The following IKZF2 variants were observed in gnomAD, a reference collection of about 807,000 sequenced individuals.
IKZF2 encodes IKAROS family zinc finger 2.
In IKZF2, 15 loss-of-function variants were observed where a neutral mutation model predicts 49.2. The ratio of observed to expected loss-of-function variants is 0.30; its 90% confidence interval spans 0.20 to 0.47. The LOEUF (loss-of-function observed/expected upper bound fraction) is 0.47. IKZF2 is among the 20% of genes least tolerant of loss of function. IKZF2 has a pLI of 1.00. For synonymous variants in IKZF2, 227 were observed against 221.4 expected (o/e 1.03, Z -0.23); for missense variants, 567 against 664.6 (o/e 0.85, Z 1.61).
intron 4 of IKZF2, among the ~76,000 whole-genome samples, chr2:213,141,571 T>C (rs1220315411): frequency 1.3e-5 from 2 of 151,996 alleles, no homozygotes; most frequent in Middle Eastern, 3.2e-3. Context: ...ATTGTGGATA[T>C]ATTATTTATT....
intron 5 of IKZF2, among the ~76,000 whole-genome samples, chr2:213,050,988 C>A (rs1700626824): frequency 6.6e-6 from 1 of 152,002 alleles, no homozygotes; most frequent in African/African-American, 2.4e-5. Flanking sequence ...TTTGGTTGAA[C>A]TGGACCATTT....
At chr2:213,065,483 C>T (rs1317808746) in intron 4 of IKZF2, among the ~76,000 whole-genome samples, 1 of 152,032 alleles carries the variant, frequency 6.6e-6, no homozygotes, top group African/African-American at 2.4e-5. Flanking sequence ...ACGAAGACCT[C>T]ACATAAATCA....
At chr2:213,019,797 G>C (rs1697007808) in intron 7 of IKZF2, among the ~76,000 whole-genome samples, 1 of 152,158 alleles carries the variant, frequency 6.6e-6, no homozygotes, top group African/African-American at 2.4e-5. Flanking sequence ...TGCCTACGGA[G>C]GGCTAAGCAA....
intron 6 of IKZF2, among the ~76,000 whole-genome samples, chr2:213,041,356 T>A (rs1699630201): frequency 6.6e-6 from 1 of 150,548 alleles, no homozygotes; most frequent in African/African-American, 2.4e-5. Flanking sequence ...GGTGGGAGGA[T>A]GGAGTTTCGC....
At chr2:213,145,439 G>C (rs2061021153) in intron 4 of IKZF2, among the ~76,000 whole-genome samples, 1 of 152,028 alleles carries the variant, frequency 6.6e-6, no homozygotes, top group African/African-American at 2.4e-5. Flanking sequence ...AACAATGCAT[G>C]TAAAGGGATT....
chr2:213,080,021 G>T (rs1703755384), intron 4 of IKZF2, among the ~76,000 whole-genome samples: 1 of 152,080 alleles, frequency 6.6e-6, no homozygotes. Context: ...CAAGAAATTT[G>T]ACTAACACTT....
In IKZF2 at chr2:213,005,197, G is replaced by GGGGT. The variant is rs1553539383; in HGVS notation, c.*2159_*2162dup. On this transcript the variant is annotated 3_prime_UTR_variant, in exon 9 of 9. Coordinates refer to ENST00000434687, the MANE Select transcript of IKZF2 (RefSeq NM_001387220.1). ...TTATTTGGGAGTGGTTGGGTGGGGG[G>GGGGT]GGGTGAGCGAGTCTCAAAAACATGC... 8 of 127,606 alleles carry GGGGT rather than the reference G, an allele frequency of 6.3e-5. 1 individual carries two copies. In the East Asian group the frequency reaches 2.3e-3, roughly 36 times the overall value. The allele number at this position is 127,606 out of a possible 1,614,324, so 7.9% of individuals were successfully genotyped here.
chr2:213,025,675 T>C (rs1397644757), intron 6 of IKZF2, among the ~76,000 whole-genome samples: 1 of 152,130 alleles, frequency 6.6e-6, no homozygotes, highest in Non-Finnish European at 1.5e-5. Context: ...CTTTTGAGTC[T>C]TGCCTCATGG....
At chr2:213,095,220 T>C (rs1705833908) in intron 4 of IKZF2, among the ~76,000 whole-genome samples, 1 of 152,136 alleles carries the variant, frequency 6.6e-6, no homozygotes, top group Admixed American at 6.5e-5. Flanking sequence ...TATAGATAGC[T>C]TTCTTTTAGG....
chr2:213,140,601 T>C (rs901591549), intron 4 of IKZF2, among the ~76,000 whole-genome samples: 7 of 151,970 alleles, frequency 4.6e-5, no homozygotes, highest in African/African-American at 1.7e-4. Flanking sequence ...ATTAATCTTA[T>C]GATTTTTTTT....
chr2:213,039,843 T>A (rs1291744274), intron 6 of IKZF2, among the ~76,000 whole-genome samples: 2 of 152,066 alleles, frequency 1.3e-5, no homozygotes, highest in Non-Finnish European at 2.9e-5. Context: ...AAAATGAGGA[T>A]GAACAAAAAT....
chr2:213,045,573 G>C (rs1182990132), intron 6 of IKZF2, among the ~76,000 whole-genome samples: 1 of 152,186 alleles, frequency 6.6e-6, no homozygotes, highest in Non-Finnish European at 1.5e-5. Context: ...ACATTACACT[G>C]AGTGAACTTG....
At chr2:213,150,305 T>G in intron 1 of IKZF2, 58 bp from the exon 2 acceptor site, 1 of 623,936 alleles carries the variant, frequency 1.6e-6, no homozygotes, top group African/African-American at 1.9e-5. Context: ...CTTCTCTCTT[T>G]CCCTCCCTTG....
chr2:213,052,441 G>T (rs920865413), intron 5 of IKZF2, among the ~76,000 whole-genome samples: 2 of 152,024 alleles, frequency 1.3e-5, no homozygotes, highest in Non-Finnish European at 2.9e-5. Context: ...TTTGAATTAT[G>T]AATAAGTCTT....
In IKZF2 at chr2:213,005,191, T is replaced by TGAGG. The variant is rs1553539346; in HGVS notation, c.*2168_*2169insCCTC. On this transcript the variant is annotated 3_prime_UTR_variant, in exon 9 of 9. Coordinates refer to ENST00000434687, the MANE Select transcript of IKZF2 (RefSeq NM_001387220.1). The stretch of plus-strand genomic sequence containing the variant: ...CAATTATTATTTGGGAGTGGTTGGG[T>TGAGG]GGGGGGGGGTGAGCGAGTCTCAAAA... The TGAGG allele has an allele frequency of 1.3e-5, 1 of 76,786 alleles. No homozygotes were observed. The highest frequency in any genetic ancestry group is 2.8e-5 in the Non-Finnish European group (1 of 35,870). The allele number at this position is 76,786 out of a possible 1,614,324, so 4.8% of individuals were successfully genotyped here.
chr2:213,106,061 T>G (rs2125733563), intron 4 of IKZF2, among the ~76,000 whole-genome samples: 1 of 152,324 alleles, frequency 6.6e-6, no homozygotes, highest in Admixed American at 6.5e-5. Flanking sequence ...ATTAAGTGAT[T>G]CCATTTTTCA....
intron 4 of IKZF2, among the ~76,000 whole-genome samples, chr2:213,120,352 A>G (rs534045819): frequency 6.6e-6 from 1 of 152,364 alleles, no homozygotes; most frequent in East Asian, 1.9e-4. Flanking sequence ...TTTGAAAAGG[A>G]TTGAGAGTTT....
At position 213,000,902 on chromosome 2, in the gene IKZF2, T is replaced by C. The variant is rs932044637; in HGVS notation, c.*6458A>G. The stretch of plus-strand genomic sequence containing the variant: ...TCAAGCAAAAGATTACTAATTTCCA[T>C]GGAAATTTAGCTTAAATAAAGATAC... On this transcript the variant is annotated 3_prime_UTR_variant, in exon 9 of 9. Transcript: ENST00000434687. 3 of 151,584 alleles carry C rather than the reference T, an allele frequency of 2.0e-5. No individual in the cohort carries two copies. The highest frequency in any genetic ancestry group is 6.6e-5 in the Admixed American group (1 of 15,172). 9.4% of individuals were successfully genotyped at this position (151,584 alleles called of 1,614,324 possible).
chr2:213,127,919 TATTAA>T (rs1381764902), intron 4 of IKZF2, among the ~76,000 whole-genome samples: 1 of 152,180 alleles, frequency 6.6e-6, no homozygotes, highest in East Asian at 1.9e-4. Flanking sequence ...CCTAAGAGGC[TATTAA>T]ATTACCATGA....
Sources: allele counts gnomAD v4.1 joint callset (sites outside exome capture counted in the v4.1 genomes callset), GRCh38; gene constraint gnomAD v4.1.1; transcripts MANE v1.5; gene names NCBI Gene and HGNC (gene_info 2026-07-23, HGNC 2026-07-21).